The following TSC22D1 variants were observed in gnomAD, a reference collection of about 807,000 sequenced individuals.
TSC22D1 encodes the protein TSC22 domain family protein 1.
TSC22D1 carries 9 observed loss-of-function variants against 74.2 expected under a neutral mutation model. The observed-to-expected ratio is 0.12, with a 90% CI of 0.07 to 0.21. TSC22D1 has a LOEUF of 0.21. TSC22D1 is among the 10% of genes least tolerant of loss of function. TSC22D1 has a pLI of 1.00. For synonymous variants in TSC22D1, 586 were observed against 492.5 expected, an observed-to-expected ratio of 1.19 and a Z score of -2.51; for missense variants, 1,427 against 1,304.7, an observed-to-expected ratio of 1.09 and a Z score of -1.44.
At chr13:44,481,633 C>T (rs1009455449) in intron 1 of TSC22D1, among the ~76,000 whole-genome samples, 9 of 152,090 alleles carry the variant, frequency 5.9e-5, no homozygotes, top group Non-Finnish European at 1.5e-5. Context: ...GATCATTTAC[C>T]AACAGAGCCC....
At chr13:44,576,653 A>C (rs992971869), upstream of TSC22D1, 11 of 151,344 alleles carry the variant, frequency 7.3e-5, no homozygotes, top group African/African-American at 2.7e-4. Flanking sequence ...CGCGCCCCGC[A>C]GACCCTTTCA....
intron 1 of TSC22D1, among the ~76,000 whole-genome samples, chr13:44,570,339 C>T (rs553657381): frequency 4.0e-5 from 6 of 151,820 alleles, no homozygotes; most frequent in South Asian, 2.1e-4. Context: ...TACAGGCATG[C>T]GCCACCATGC....
intron 1 of TSC22D1, among the ~76,000 whole-genome samples, chr13:44,458,947 T>A (rs1474412311): frequency 6.6e-6 from 1 of 152,096 alleles, no homozygotes; most frequent in Non-Finnish European, 1.5e-5. Context: ...GTGGATGGCA[T>A]GTTGATGGCG....
At chr13:44,477,006 G>A (rs1877948799) in intron 1 of TSC22D1, among the ~76,000 whole-genome samples, 1 of 151,894 alleles carries the variant, frequency 6.6e-6, no homozygotes, top group Non-Finnish European at 1.5e-5. Context: ...TTTGAGCAGA[G>A]TTTTGCTCTG....
At chr13:44,522,502 T>C (rs751706948) in intron 1 of TSC22D1, among the ~76,000 whole-genome samples, 11 of 152,160 alleles carry the variant, frequency 7.2e-5, no homozygotes, top group East Asian at 1.9e-4. Context: ...CTTGAAGAGA[T>C]TGAAAATGGA....
intron 1 of TSC22D1, chr13:44,437,062 TG>T: frequency 1.0e-6 from 1 of 968,000 alleles, no homozygotes; most frequent in Non-Finnish European, 1.2e-6. Flanking sequence ...TCAGAGGGAG[TG>T]GGGTGCTGGG....
At chr13:44,558,286 C>A (rs1005895536) in intron 1 of TSC22D1, among the ~76,000 whole-genome samples, 2 of 152,180 alleles carry the variant, frequency 1.3e-5, no homozygotes, top group African/African-American at 2.4e-5. Flanking sequence ...TCCTTAACTT[C>A]ACAATATTTT....
intron 1 of TSC22D1, among the ~76,000 whole-genome samples, chr13:44,569,606 C>T (rs1883615655): frequency 6.6e-6 from 1 of 152,136 alleles, no homozygotes; most frequent in African/African-American, 2.4e-5. Flanking sequence ...AGTATTACTC[C>T]TATTTTATAG....
intron 1 of TSC22D1, among the ~76,000 whole-genome samples, chr13:44,449,856 C>T (rs1378642950): frequency 3.9e-5 from 6 of 152,136 alleles, no homozygotes; most frequent in African/African-American, 1.2e-4. Flanking sequence ...ACTTTCTATA[C>T]ATTAGCTCTT....
At chr13:44,554,186 G>A (rs967002907) in intron 1 of TSC22D1, among the ~76,000 whole-genome samples, 7 of 152,096 alleles carry the variant, frequency 4.6e-5, no homozygotes, top group African/African-American at 4.8e-5. Context: ...ACAACAGCAC[G>A]GGTAGCTATT....
upstream of TSC22D1, chr13:44,577,242 G>A (rs905517022): frequency 5.9e-5 from 9 of 152,316 alleles, no homozygotes; most frequent in African/African-American, 2.2e-4. Flanking sequence ...AGGGTGTCGG[G>A]CGGGGAGGGG....
In TSC22D1 at chr13:44,436,040, A is replaced by C. The variant is rs780901575; in HGVS notation, c.2964+4T>G. ...AGTATAAATGATTTTTCATCAGTAC[A>C]TACCATAGCTTGCTCGATTTTGTTG... On this transcript the variant is annotated splice_donor_region_variant and intron_variant, in intron 2 of 2. Transcript: ENST00000458659. 8.7e-6 allele frequency: 14 copies of C among 1,613,610 alleles called. No homozygotes were observed. In the Admixed American group the frequency reaches 2.0e-4, roughly 23 times the overall value.
chr13:44,486,400 A>G (rs1256709977), intron 1 of TSC22D1, among the ~76,000 whole-genome samples: 1 of 152,178 alleles, frequency 6.6e-6, no homozygotes, highest in Admixed American at 6.5e-5. Flanking sequence ...TTAGGGTTAA[A>G]GAGAATCGTG....
chr13:44,533,735 G>A (rs1262432344), intron 1 of TSC22D1, among the ~76,000 whole-genome samples: 12 of 152,066 alleles, frequency 7.9e-5, no homozygotes. Context: ...GTGAGCTGAG[G>A]TTGCCCCATG....
chr13:44,538,421 C>T, intron 1 of TSC22D1: 1 of 984,438 alleles, frequency 1.0e-6, no homozygotes, highest in Non-Finnish European at 1.2e-6. Flanking sequence ...TGTCAGGCAA[C>T]AAAAAAAACC....
chr13:44,435,988 T>C, intron 2 of TSC22D1, 56 bp downstream of exon 2: 2 of 1,522,108 alleles, frequency 1.3e-6, no homozygotes, highest in Non-Finnish European at 1.8e-6. Flanking sequence ...CCACAAAACA[T>C]CTTATTTTTG....
intron 1 of TSC22D1, among the ~76,000 whole-genome samples, chr13:44,464,147 T>G (rs554452946): frequency 6.6e-6 from 1 of 152,330 alleles, no homozygotes; most frequent in Non-Finnish European, 1.5e-5. Context: ...TTTAAGCCAC[T>G]GAATTTTAGG....
intron 1 of TSC22D1, among the ~76,000 whole-genome samples, chr13:44,559,858 A>AT (rs1267379077): frequency 1.3e-5 from 2 of 151,864 alleles, no homozygotes; most frequent in South Asian, 2.1e-4. Context: ...TGACTGCCTC[A>AT]TTTTTGTATT....
rs369383672 is a variant in TSC22D1, at chr13:44,529,920, C to T, written c.2912+43243G>A. 7.9e-5 allele frequency among the ~76,000 whole-genome samples: 12 copies of T among 151,926 alleles called. 1 individual carries two copies. Among genetic ancestry groups the T allele is most frequent in the African/African-American group, 2.9e-4 (12 of 41,484 alleles). On this transcript the variant is annotated intron_variant, in intron 1 of 2. Transcript: ENST00000458659. ...AAGCTAAAAAATGCTAATCAAAAATCAAAGATCTGAAAAAATGGAGAGATA... is the reference window on the plus strand; with the variant it reads ...AAGCTAAAAAATGCTAATCAAAAATTAAAGATCTGAAAAAATGGAGAGATA...
Sources: gnomAD v4.1 joint callset for allele counts (sites outside exome capture counted in the v4.1 genomes callset) on GRCh38, gnomAD v4.1.1 for gene constraint, MANE v1.5 for transcripts, NCBI Gene and HGNC (gene_info 2026-07-23, HGNC 2026-07-21) for gene names.